Variants in NMRAL1 observed in about 807,000 individuals in gnomAD.
NMRAL1 encodes the protein nmrA-like family domain-containing protein 1.
NMRAL1 carries 32 observed loss-of-function variants against 27.5 expected under a neutral mutation model. That is an observed-to-expected ratio of 1.16 (90% CI 0.88 to 1.56). The LOEUF (loss-of-function observed/expected upper bound fraction) is 1.56. Ranked by LOEUF, NMRAL1 falls within the 40% of genes most tolerant of loss-of-function variation. The pLI, the probability that NMRAL1 is intolerant of heterozygous loss-of-function variation, is 0.00. For synonymous variants in NMRAL1, 166 were observed against 166.8 expected, an observed-to-expected ratio of 1.00 and a Z score of 0.04; for missense variants, 420 against 392.0, an observed-to-expected ratio of 1.07 and a Z score of -0.60.
chr16:4,463,707 C>T lies in NMRAL1; in HGVS notation c.673G>A (p.Ala225Thr), dbSNP rs560529874. 21 of 1,614,006 alleles carry T rather than the reference C, an allele frequency of 1.3e-5. No homozygotes were observed. The highest frequency in any genetic ancestry group is 6.7e-5 in the Admixed American group (4 of 60,012). ...STCRHTAEEY[A>T]ALLTKHTRKV... Reference sequence around the variant, plus strand: ...CGGGTGTGCTTGGTGAGCAGGGCAGCGTACTCCTCGGCCGTGTGCCTGCAA... The same window carrying T: ...CGGGTGTGCTTGGTGAGCAGGGCAGTGTACTCCTCGGCCGTGTGCCTGCAA... Residue 225 changes from alanine to threonine, a missense_variant, in exon 5 of 6, where the codon GCT becomes ACT. By Grantham distance (58) the Ala-to-Thr change is moderately conservative (BLOSUM62 0). Coordinates refer to ENST00000283429, the MANE Select transcript of NMRAL1 (RefSeq NM_020677.6).
chr16:4,462,898 C>T (rs1345110143), intron 5 of NMRAL1, among the ~76,000 whole-genome samples: 1 of 151,712 alleles, frequency 6.6e-6, no homozygotes, highest in Non-Finnish European at 1.5e-5. Flanking sequence ...CGCTCTGTCG[C>T]CCAGTCTGGA....
At chr16:4,464,845 G>T (rs2141423695) in intron 4 of NMRAL1, among the ~76,000 whole-genome samples, 1 of 151,846 alleles carries the variant, frequency 6.6e-6, no homozygotes, top group South Asian at 2.1e-4. Flanking sequence ...TCGATCTCCT[G>T]AACCTCGTGA....
At chr16:4,462,533 C>G (rs958424372) in intron 5 of NMRAL1, among the ~76,000 whole-genome samples, 3 of 152,094 alleles carry the variant, frequency 2.0e-5, no homozygotes, top group Non-Finnish European at 4.4e-5. Context: ...GAAAATATCT[C>G]AGTCCCTTCC....
At chr16:4,462,592 G>A (rs1254627715) in intron 5 of NMRAL1, among the ~76,000 whole-genome samples, 1 of 152,120 alleles carries the variant, frequency 6.6e-6, no homozygotes, top group African/African-American at 2.4e-5. Context: ...ACCAAAGCTT[G>A]ACCAGACACA....
At position 4,466,221 on chromosome 16, in the gene NMRAL1, C is replaced by T; in HGVS notation, c.461G>A (p.Cys154Tyr). 6.2e-7 allele frequency: 1 copy of T among 1,614,146 alleles called. No homozygotes were observed. The highest frequency in any genetic ancestry group is 8.5e-7 in the Non-Finnish European group (1 of 1,180,026). ...GVPMTSVRLP[C>Y]YFENLLSHFL... The stretch of plus-strand genomic sequence containing the variant: ...GTGGGAGAGGAGGTTCTCAAAATAG[C>T]AGGGCAGCCGCACACTGGTCATGGG... Residue 154 changes from cysteine (C) to tyrosine (Y), a missense_variant, in exon 4 of 6, where the codon TGC (cysteine) becomes TAC (tyrosine). Cys to Tyr is a radical substitution (Grantham distance 194). Transcript: ENST00000283429.
chr16:4,469,063 G>A (rs1301595971), intron 3 of NMRAL1, among the ~76,000 whole-genome samples, 164 bp downstream of exon 3: 1 of 151,988 alleles, frequency 6.6e-6, no homozygotes, highest in Non-Finnish European at 1.5e-5. Context: ...GTAATTGGAT[G>A]AGAAAGCAAC....
chr16:4,474,877 G>A (rs1198193018), upstream of NMRAL1: 2 of 152,208 alleles, frequency 1.3e-5, no homozygotes, highest in South Asian at 4.1e-4. Flanking sequence ...GATAATTAAA[G>A]CTATGTCCAT....
chr16:4,462,127 A>G (rs1286792925), intron 5 of NMRAL1, among the ~76,000 whole-genome samples, 168 bp from the exon 6 acceptor site: 10 of 152,184 alleles, frequency 6.6e-5, no homozygotes, highest in African/African-American at 1.4e-4. Context: ...AACTTCTAAG[A>G]GCCGAAAGTT....
At chr16:4,470,916 C>T (rs2057540354) in intron 2 of NMRAL1, among the ~76,000 whole-genome samples, 1 of 149,262 alleles carries the variant, frequency 6.7e-6, no homozygotes, top group Non-Finnish European at 1.5e-5. Context: ...CACTGCACTC[C>T]AGCCTGGACG....
In NMRAL1 at chr16:4,466,321, T is replaced by G; in HGVS notation, c.361A>C (p.Thr121Pro). 1 of 1,613,926 alleles carries G rather than the reference T, an allele frequency of 6.2e-7. No individual in the cohort carries two copies. The highest frequency in any genetic ancestry group is 8.5e-7 in the Non-Finnish European group (1 of 1,180,010). Residue 121 changes from threonine (T) to proline (P), a missense_variant, in exon 4 of 6, where the codon ACG becomes CCG. Physicochemically the swap from Thr to Pro is conservative, Grantham distance 38 (BLOSUM62 -1). Transcript: ENST00000283429. The part of the protein sequence containing the change: ...YSGLENIKKL[T>P]AGRLAAAHFD... ...TGCGCGGCGGCCAATCTCCCTGCCG[T>G]CAGCTTCTTGATGTTCTCCAGGCCG...
chr16:4,474,341 T>G (rs1418230985), intron 1 of NMRAL1, 175 bp from the exon 2 acceptor site: 8 of 531,524 alleles, frequency 1.5e-5, no homozygotes, highest in South Asian at 6.9e-5. Flanking sequence ...TCGTGTCCCT[T>G]GGGCCCGATC....
upstream of NMRAL1, among the ~76,000 whole-genome samples, chr16:4,475,338 T>G (rs1218921034): frequency 1.3e-5 from 2 of 151,870 alleles, no homozygotes; most frequent in Non-Finnish European, 2.9e-5. Flanking sequence ...GGAGTCTTGC[T>G]CTGTGGCCCA....
intron 2 of NMRAL1, chr16:4,471,216 C>T (rs556088840): frequency 2.5e-4 from 38 of 152,162 alleles, no homozygotes; most frequent in African/African-American, 8.4e-4. Flanking sequence ...TGCTCAAAAA[C>T]GAGACAAAGA....
intron 2 of NMRAL1, among the ~76,000 whole-genome samples, chr16:4,473,194 C>G (rs975411261): frequency 6.6e-6 from 1 of 151,996 alleles, no homozygotes; most frequent in Non-Finnish European, 1.5e-5. Flanking sequence ...GTCTCAAACA[C>G]CTCAGCTCAA....
intron 5 of NMRAL1, 77 bp from the exon 6 acceptor site, chr16:4,462,036 C>G: frequency 7.9e-7 from 1 of 1,263,072 alleles, no homozygotes; most frequent in Non-Finnish European, 1.1e-6. Flanking sequence ...GCCGGATGGG[C>G]TGGGGTCTCC....
intron 3 of NMRAL1, among the ~76,000 whole-genome samples, chr16:4,467,364 G>T (rs376156700): frequency 1.3e-5 from 2 of 151,924 alleles, no homozygotes; most frequent in African/African-American, 4.8e-5. Flanking sequence ...CTCCTGAGTC[G>T]CTGGGACTAC....
intron 4 of NMRAL1, chr16:4,464,275 A>C (rs2057229020): frequency 5.2e-6 from 1 of 193,428 alleles, no homozygotes; most frequent in African/African-American, 2.3e-5. Flanking sequence ...CATATCCTAG[A>C]TTCCTGGAAG....
At chr16:4,473,439 T>A (rs1471047163) in intron 2 of NMRAL1, among the ~76,000 whole-genome samples, 2 of 151,772 alleles carry the variant, frequency 1.3e-5, no homozygotes, top group African/African-American at 4.8e-5. Context: ...TATGTATAAA[T>A]AAGAAAAAAT....
At chr16:4,473,924 CAA>C (rs577228475) in intron 2 of NMRAL1, among the ~76,000 whole-genome samples, 167 bp downstream of exon 2, 1 of 141,452 alleles carries the variant, frequency 7.1e-6, no homozygotes. Context: ...AAACTCCGTC[CAA>C]AAAAAAAAAA....
Sources: gnomAD v4.1 joint callset for allele counts (sites outside exome capture counted in the v4.1 genomes callset) on GRCh38, gnomAD v4.1.1 for gene constraint, MANE v1.5 for transcripts, NCBI Gene and HGNC (gene_info 2026-07-23, HGNC 2026-07-21) for gene names.